PCDH11Y: variants seen among roughly 807,000 people sequenced by gnomAD.
The protein encoded by PCDH11Y is protocadherin-11 Y-linked.
For missense variants in PCDH11Y, 12 were observed against 224.8 expected (o/e 0.05, Z 6.05); for synonymous variants, 9 against 83.6 (o/e 0.11, Z 4.87).
intron 1 of PCDH11Y, among the ~76,000 whole-genome samples, chrY:5,006,441 C>A: frequency 3.1e-5 from 1 of 32,112 alleles, no homozygotes; most frequent in African/African-American, 1.2e-4. Context: ...TTAGAAAATT[C>A]TTTTTCTGTG....
intron 2 of PCDH11Y, among the ~76,000 whole-genome samples, chrY:5,491,317 C>A (rs2053338207): frequency 9.2e-5 from 3 of 32,445 alleles, no homozygotes; most frequent in Non-Finnish European, 2.3e-4. Context: ...CGTCTCAAGC[C>A]CATAAAAACT....
chrY:5,477,193 C>G, intron 2 of PCDH11Y, among the ~76,000 whole-genome samples: 1 of 33,317 alleles, frequency 3.0e-5, no homozygotes, highest in Non-Finnish European at 7.4e-5. Context: ...CAATCAATAC[C>G]TAGTTTATTA....
rs377335502 is a variant in PCDH11Y, at chrY:5,049,874, G to T, written c.33-7015G>T. ...CTAAGTGTATCACAACTGAAGATTC[G>T]AAATATGGCTTGTGTGTGTCACATT... is the stretch of plus-strand genomic sequence containing the variant. On this transcript the variant is annotated intron_variant, in intron 3 of 5. Transcript: ENST00000333703. Among the ~76,000 whole-genome samples the T allele has an allele frequency of 4.7e-3, 157 of 33,155 alleles. No individual in the cohort carries two copies. In the East Asian group the frequency reaches 0.066, roughly 14 times the overall value. The allele number at this position is 33,155 out of a possible 37,273, so 89.0% of individuals were successfully genotyped here. A position where few individuals can be genotyped will look rare whatever the true frequency, so the allele number is the denominator to read the frequency against.
chrY:5,280,762 T>G, intron 2 of PCDH11Y, among the ~76,000 whole-genome samples: 1 of 33,416 alleles, frequency 3.0e-5, no homozygotes, highest in Non-Finnish European at 7.4e-5. Flanking sequence ...CTCCACAACC[T>G]CATCAGCATT....
intron 1 of PCDH11Y, among the ~76,000 whole-genome samples, chrY:5,028,607 A>AC (rs2052583055): frequency 3.6e-5 from 1 of 27,721 alleles, no homozygotes; most frequent in South Asian, 9.1e-4. Flanking sequence ...CCTCATCTCT[A>AC]CAAAAAAAAA....
Position 5,273,714 on chromosome Y carries a change from G to A in PCDH11Y, c.3129+173007G>A, listed in dbSNP as rs2124659862. 3.0e-4 allele frequency among the ~76,000 whole-genome samples: 10 copies of A among 32,981 alleles called. No individual in the cohort carries two copies. The South Asian group carries it at 6.9e-3, about 23-fold the overall frequency. The allele number at this position is 32,981 out of a possible 37,273, so 88.5% of individuals were successfully genotyped here. On this transcript the variant is annotated intron_variant, in intron 2 of 4. Transcript: ENST00000400457. ...AAAATGTTTCTTATTGGACCTAAAA[G>A]GTTGCCTATCTCTTAGCTGATTATC...
intron 2 of PCDH11Y, among the ~76,000 whole-genome samples, chrY:5,385,986 G>A: frequency 3.0e-5 from 1 of 33,368 alleles, no homozygotes; most frequent in Non-Finnish European, 7.4e-5. Context: ...ATGTTTTAAT[G>A]TGTTTCCAGG....
intron 2 of PCDH11Y, among the ~76,000 whole-genome samples, chrY:5,229,336 G>C: frequency 2.2e-4 from 2 of 9,152 alleles, no homozygotes; most frequent in Non-Finnish European, 4.1e-4. Context: ...TTTTTTTTGA[G>C]ATGGAGTCTC....
Position 5,494,906 on chromosome Y carries a change from G to A in PCDH11Y, c.3130-6151G>A, listed in dbSNP as rs2053342763. On this transcript the variant is annotated intron_variant, in intron 2 of 4. Transcript: ENST00000400457. ...TACTAAAAATACAAAAATTAGCCAG[G>A]CGTGGTGGCAGGCGCCTGTAGTCCC... Among the ~76,000 whole-genome samples the A allele has an allele frequency of 1.6e-4, 5 of 31,465 alleles. No homozygotes were observed. In the East Asian group the frequency reaches 4.2e-3, roughly 26 times the overall value. 84.4% of individuals were successfully genotyped at this position (31,465 alleles called of 37,273 possible). A position where few individuals can be genotyped will look rare whatever the true frequency, so the allele number is the denominator to read the frequency against.
chrY:5,131,932 T>C, intron 2 of PCDH11Y, among the ~76,000 whole-genome samples: 1 of 33,669 alleles, frequency 3.0e-5, no homozygotes, highest in South Asian at 6.5e-4. Flanking sequence ...CTATACATTG[T>C]GAAATGATTA....
At chrY:5,712,398 T>G in intron 4 of PCDH11Y, among the ~76,000 whole-genome samples, 1 of 33,718 alleles carries the variant, frequency 3.0e-5, no homozygotes, top group Non-Finnish European at 7.4e-5. Context: ...GTCTTTGTCA[T>G]GGGCTCTGCA....
At chrY:5,010,077 C>A in intron 1 of PCDH11Y, among the ~76,000 whole-genome samples, 1 of 29,753 alleles carries the variant, frequency 3.4e-5, no homozygotes, top group Non-Finnish European at 8.1e-5. Flanking sequence ...CGTCTTGCTG[C>A]GCGCCTGTAC....
At chrY:5,283,185 A>G in intron 2 of PCDH11Y, among the ~76,000 whole-genome samples, 1 of 33,273 alleles carries the variant, frequency 3.0e-5, no homozygotes, top group African/African-American at 1.2e-4. Flanking sequence ...TACACAATAC[A>G]TATGGTCAAA....
chrY:5,107,762 C>T (rs2052793008), downstream of PCDH11Y, among the ~76,000 whole-genome samples: 1 of 32,705 alleles, frequency 3.1e-5, no homozygotes, highest in South Asian at 6.8e-4. Context: ...GATAGCAAAT[C>T]TTAAAACTAG....
chrY:5,438,879 A>G, intron 2 of PCDH11Y, among the ~76,000 whole-genome samples: 1 of 21,123 alleles, frequency 4.7e-5, no homozygotes, highest in Non-Finnish European at 1.1e-4. Flanking sequence ...TGTACAGATT[A>G]TTTTGTCACT....
chrY:5,283,004 C>A (rs1602899148), intron 2 of PCDH11Y, among the ~76,000 whole-genome samples: 1 of 33,005 alleles, frequency 3.0e-5, no homozygotes, highest in African/African-American at 1.2e-4. Flanking sequence ...TAACAAAAAA[C>A]CGATTTTTGG....
chrY:5,725,989 A>G, intron 4 of PCDH11Y, among the ~76,000 whole-genome samples: 1 of 31,966 alleles, frequency 3.1e-5, no homozygotes, highest in South Asian at 7.2e-4. Context: ...AATCTAAATC[A>G]CAATGAGATA....
At chrY:5,645,272 T>C in intron 4 of PCDH11Y, among the ~76,000 whole-genome samples, 1 of 33,088 alleles carries the variant, frequency 3.0e-5, no homozygotes, top group African/African-American at 1.2e-4. Context: ...TTGAAGAGTA[T>C]CTGCCCTTAA....
chrY:5,110,652 A>C, intron 2 of PCDH11Y, among the ~76,000 whole-genome samples: 1 of 31,776 alleles, frequency 3.1e-5, no homozygotes, highest in Non-Finnish European at 7.7e-5. Context: ...AATAAACTTT[A>C]AAATGTATTT....
Sources: gnomAD v4.1 joint callset for allele counts (sites outside exome capture counted in the v4.1 genomes callset) on GRCh38, gnomAD v4.1.1 for gene constraint, MANE v1.5 for transcripts, NCBI Gene and HGNC (gene_info 2026-07-23, HGNC 2026-07-21) for gene names.